The following NELL1 variants were observed in gnomAD, a reference collection of about 807,000 sequenced individuals.
The protein encoded by NELL1 is neural EGFL like 1.
Under a neutral mutation model 107.4 loss-of-function variants are expected in NELL1, and 76 were observed. The observed-to-expected ratio is 0.71, with a 90% CI of 0.59 to 0.86. The LOEUF is 0.86. Ranked by LOEUF, NELL1 falls within the 40% of genes least tolerant of loss-of-function variation. The pLI, the probability that NELL1 is intolerant of heterozygous loss-of-function variation, is 0.00. For synonymous variants in NELL1, 353 were observed against 341.2 expected (o/e 1.03, Z -0.38); for missense variants, 1,024 against 1,005.5 (o/e 1.02, Z -0.25).
At chr11:21,387,631 C>T (rs1363788212) in intron 15 of NELL1, among the ~76,000 whole-genome samples, 1 of 151,796 alleles carries the variant, frequency 6.6e-6, no homozygotes, top group African/African-American at 2.4e-5. Context: ...ACTTCCTTTA[C>T]CACTCTTCTC....
In NELL1 at chr11:21,240,785, G is replaced by A. The variant is rs1858336750; in HGVS notation, c.1549+11331G>A. On this transcript the variant is annotated intron_variant, in intron 14 of 19. Transcript: ENST00000357134. Reference sequence around the variant, plus strand: ...TTCTAGTGGGGGGGGGGAGGGGGGAGTCTATTGGATGCGCTTAAAACACTT... The same window carrying A: ...TTCTAGTGGGGGGGGGGAGGGGGGAATCTATTGGATGCGCTTAAAACACTT... 2.0e-5 allele frequency among the ~76,000 whole-genome samples: 3 copies of A among 149,866 alleles called. No homozygotes were observed. The South Asian group carries it at 6.4e-4, about 32-fold the overall frequency.
intron 12 of NELL1, among the ~76,000 whole-genome samples, chr11:20,971,652 T>G (rs542806463): frequency 2.4e-4 from 37 of 152,102 alleles, no homozygotes; most frequent in Non-Finnish European, 4.3e-4. Flanking sequence ...AGTGGAAAGT[T>G]TAGATTTAGA....
At position 21,573,285 on chromosome 11, in the gene NELL1, C is replaced by T; in HGVS notation, c.2258C>T (p.Pro753Leu). ...TGTTGTCCCCGCTGTGTCAGTGACC[C>T]CTGCCTAGCTGATAACATCACCTAT... The part of the protein sequence containing the change: ...GECCPRCVSD[P>L]CLADNITYDI... The change falls in exon 19 of 20, where the codon CCC becomes CTC. Residue 753 changes from proline to leucine, a missense_variant. Coordinates refer to ENST00000357134, the MANE Select transcript of NELL1 (RefSeq NM_006157.5). 2 of 1,612,514 alleles carry T rather than the reference C, an allele frequency of 1.2e-6. No individual in the cohort carries two copies. The highest frequency in any genetic ancestry group is 2.2e-5 in the East Asian group (1 of 44,732).
In NELL1 at chr11:20,764,164, C is replaced by A. The variant is rs191881564; in HGVS notation, c.185-19516C>A. ...GCACACACACTTATTCACATAACAG[C>A]TATCCAGAACTTTTTTATTTTGCAA... On this transcript the variant is annotated intron_variant, in intron 2 of 19. Transcript: ENST00000357134. Among the ~76,000 whole-genome samples the A allele has an allele frequency of 6.8e-4, 104 of 152,326 alleles. 4 individuals carry two copies. The East Asian group carries it at 0.019, about 28-fold the overall frequency.
intron 15 of NELL1, among the ~76,000 whole-genome samples, chr11:21,455,641 G>A (rs930720203): frequency 5.9e-5 from 9 of 151,972 alleles, no homozygotes; most frequent in African/African-American, 2.2e-4. Context: ...CAAACTTTTT[G>A]AGATTATTTT....
At chr11:21,504,162 G>A (rs1218022931) in intron 15 of NELL1, 2 of 152,222 alleles carry the variant, frequency 1.3e-5, no homozygotes, top group African/African-American at 4.8e-5. Flanking sequence ...TACTGCAACA[G>A]ACTGGCACAT....
chr11:21,460,144 A>G (rs958515717), intron 15 of NELL1, among the ~76,000 whole-genome samples: 2 of 152,082 alleles, frequency 1.3e-5, no homozygotes, highest in Non-Finnish European at 2.9e-5. Context: ...AGTATAATGG[A>G]AAGTATTTGT....
At chr11:20,937,102 G>A (rs775985662) in intron 9 of NELL1, among the ~76,000 whole-genome samples, 1 of 152,192 alleles carries the variant, frequency 6.6e-6, no homozygotes, top group Non-Finnish European at 1.5e-5. Context: ...AAGTGAGTCA[G>A]CCAGTTAAGT....
intron 14 of NELL1, among the ~76,000 whole-genome samples, chr11:21,297,552 G>C (rs918018056): frequency 1.3e-5 from 2 of 151,978 alleles, no homozygotes; most frequent in Admixed American, 1.3e-4. Context: ...TTTACCAGCA[G>C]CAAGATCTGT....
intron 14 of NELL1, among the ~76,000 whole-genome samples, chr11:21,294,562 A>G (rs984965275): frequency 6.6e-6 from 1 of 152,048 alleles, no homozygotes; most frequent in Non-Finnish European, 1.5e-5. Context: ...TGAGTTTATG[A>G]TGTCATATGT....
intron 12 of NELL1, among the ~76,000 whole-genome samples, chr11:21,011,272 A>T (rs1040337801): frequency 1.3e-4 from 20 of 152,082 alleles, no homozygotes; most frequent in African/African-American, 4.8e-4. Context: ...TTTCATTGAC[A>T]AGTCCCTTTC....
intron 12 of NELL1, among the ~76,000 whole-genome samples, chr11:21,098,752 C>A (rs1854718717): frequency 6.6e-6 from 1 of 152,064 alleles, no homozygotes; most frequent in African/African-American, 2.4e-5. Context: ...CCCAGTAAAA[C>A]TTTTTAGATC....
intron 13 of NELL1, among the ~76,000 whole-genome samples, chr11:21,128,336 C>T (rs1291752009): frequency 7.2e-5 from 11 of 151,990 alleles, no homozygotes; most frequent in Admixed American, 6.6e-4. Flanking sequence ...GAAGAGTATT[C>T]CCTAGATGAA....
At chr11:21,197,201 T>G (rs1857173516) in intron 13 of NELL1, among the ~76,000 whole-genome samples, 1 of 141,216 alleles carries the variant, frequency 7.1e-6, no homozygotes, top group South Asian at 2.1e-4. Context: ...CTTAAGCCAG[T>G]CTTTTTTTTT....
At chr11:20,763,679 C>T (rs1303562986) in intron 2 of NELL1, among the ~76,000 whole-genome samples, 2 of 152,140 alleles carry the variant, frequency 1.3e-5, no homozygotes, top group Non-Finnish European at 2.9e-5. Context: ...GTTTTTATGC[C>T]AAAAGTGCTC....
chr11:21,305,875 T>G (rs1425629271), intron 14 of NELL1, among the ~76,000 whole-genome samples: 1 of 152,032 alleles, frequency 6.6e-6, no homozygotes, highest in Non-Finnish European at 1.5e-5. Context: ...ATAATCATAA[T>G]TACCACTACA....
At chr11:21,071,901 A>G (rs1854024423) in intron 12 of NELL1, among the ~76,000 whole-genome samples, 1 of 152,154 alleles carries the variant, frequency 6.6e-6, no homozygotes, top group Non-Finnish European at 1.5e-5. Flanking sequence ...ACCTTCCTTC[A>G]GGCTTAGTTT....
intron 13 of NELL1, chr11:21,170,012 G>T: frequency 8.1e-7 from 1 of 1,230,420 alleles, no homozygotes; most frequent in South Asian, 1.2e-5. Flanking sequence ...TGAGCACTCA[G>T]ATGTGGACAG....
intron 15 of NELL1, among the ~76,000 whole-genome samples, chr11:21,375,522 T>C (rs2133760107): frequency 6.6e-6 from 1 of 152,242 alleles, no homozygotes. Flanking sequence ...AACATGTGAG[T>C]GCATGTGTCT....
Sources: gnomAD v4.1 joint callset for allele counts (sites outside exome capture counted in the v4.1 genomes callset) on GRCh38, gnomAD v4.1.1 for gene constraint, MANE v1.5 for transcripts, NCBI Gene and HGNC (gene_info 2026-07-23, HGNC 2026-07-21) for gene names.